FLT4: variants seen among roughly 807,000 people sequenced by gnomAD.
FLT4 encodes fms related receptor tyrosine kinase 4.
FLT4 carries 30 observed loss-of-function variants against 163.2 expected under a neutral mutation model. That is an observed-to-expected ratio of 0.18 (90% confidence interval 0.14 to 0.25). The LOEUF (loss-of-function observed/expected upper bound fraction) is 0.25. FLT4 is among the 10% of genes least tolerant of loss of function. The pLI is 1.00. For missense variants in FLT4, 1,510 were observed against 1,863.8 expected (o/e 0.81, Z 3.50); for synonymous variants, 884 against 789.5 (o/e 1.12, Z -2.01).
Position 180,621,714 on chromosome 5 carries a change from G to A in FLT4, c.1848C>T (p.Phe616=), listed in dbSNP as rs34303265. 1 of 1,612,766 alleles carries A rather than the reference G, an allele frequency of 6.2e-7. No individual in the cohort carries two copies. Among genetic ancestry groups the A allele is most frequent in the Non-Finnish European group, 8.5e-7 (1 of 1,179,940 alleles). ...LLLDCKNVHL[F]ATPLAASLEE... is the part of the protein sequence containing the mutation. ...CCAGGCTGGCGGCCAGAGGGGTGGC[G>A]AACAGATGCACGTTCTTGCAGTCGA... The change falls in exon 13 of 30, where the codon TTC becomes TTT. Residue 616 remains phenylalanine, a synonymous_variant. Coordinates refer to ENST00000261937, the MANE Select transcript of FLT4 (RefSeq NM_182925.5).
At chr5:180,638,528 CTT>C (rs757417575) in intron 1 of FLT4, among the ~76,000 whole-genome samples, 28 of 152,240 alleles carry the variant, frequency 1.8e-4, no homozygotes, top group Non-Finnish European at 3.4e-4. Context: ...GTGAGTGACA[CTT>C]TAAAAAGCAC....
chr5:180,623,581 C>T lies in FLT4; in HGVS notation c.1548+354G>A, dbSNP rs939656415. 5.3e-5 allele frequency among the ~76,000 whole-genome samples: 8 copies of T among 152,306 alleles called. No homozygotes were observed. The highest frequency in any genetic ancestry group is 4.1e-4 in the South Asian group (2 of 4,826). Reference sequence around the variant, plus strand: ...CCTTCTCGGCGTTGCCCCCAGGCTGCGCCAGCGGCTCAGCAGCCCTCTGTG... The same window carrying T: ...CCTTCTCGGCGTTGCCCCCAGGCTGTGCCAGCGGCTCAGCAGCCCTCTGTG... On this transcript the variant is annotated intron_variant, in intron 11 of 29. Coordinates refer to ENST00000261937, the MANE Select transcript of FLT4 (RefSeq NM_182925.5). This position sits in a 1 kb window ranked among gnomAD's most constrained non-coding sequence, Gnocchi z 5.8.
Position 180,641,737 on chromosome 5 carries a change from T to C in FLT4, c.58+7751A>G, listed in dbSNP as rs540731833. On this transcript the variant is annotated intron_variant, in intron 1 of 29. Coordinates refer to ENST00000261937, the MANE Select transcript of FLT4 (RefSeq NM_182925.5). Reference sequence around the variant, plus strand: ...AGGGGCTGTCGGTCCTCACTGCACATCCTGCAGGTCTGAGAGAGCTGAGCC... The same window carrying C: ...AGGGGCTGTCGGTCCTCACTGCACACCCTGCAGGTCTGAGAGAGCTGAGCC... Among the ~76,000 whole-genome samples the C allele has an allele frequency of 3.9e-5, 6 of 152,270 alleles. No homozygotes were observed. The East Asian group carries it at 1.2e-3, about 29-fold the overall frequency.
rs1763082168 is a variant in FLT4, at chr5:180,620,820, A to T, written c.2299+56T>A. The T allele has an allele frequency of 5.6e-6, 9 of 1,609,466 alleles. No individual in the cohort carries two copies. Among genetic ancestry groups the T allele is most frequent in the Non-Finnish European group, 5.9e-6 (7 of 1,178,526 alleles). Reference sequence around the variant, plus strand: ...CCACGACTTGCCCAAGGTGGCCACAAGAAAGCGTTAACTGGGGACGGGAAG... The same window carrying T: ...CCACGACTTGCCCAAGGTGGCCACATGAAAGCGTTAACTGGGGACGGGAAG... On this transcript the variant is annotated intron_variant, in intron 15 of 29. Transcript: ENST00000261937. The surrounding 1 kb of genome is among the most constrained non-coding windows in gnomAD (Gnocchi z 4.4).
Position 180,602,701 on chromosome 5 carries a change from T to G in FLT4, c.*491A>C. ...GCCCCTCCCTTCAACTGTGCAGGGG[T>G]GGGTGAGGCCAGCCAGCCCTCGTGG... On this transcript the variant is annotated 3_prime_UTR_variant, in exon 30 of 30. Coordinates refer to ENST00000261937, the MANE Select transcript of FLT4 (RefSeq NM_182925.5). The G allele has an allele frequency of 2.3e-6, 1 of 440,956 alleles. No individual in the cohort carries two copies. The highest frequency in any genetic ancestry group is 3.3e-5 in the East Asian group (1 of 30,672). 27.3% of individuals were successfully genotyped at this position (440,956 alleles called of 1,614,324 possible). A position where few individuals can be genotyped will look rare whatever the true frequency, so the allele number is the denominator to read the frequency against.
chr5:180,612,351 G>A (rs1435986911), intron 26 of FLT4, 155 bp downstream of exon 26: 5 of 679,164 alleles, frequency 7.4e-6, no homozygotes, highest in Non-Finnish European at 1.3e-5. Context: ...CAAGGGTGTG[G>A]GGACGAGGTG....
intron 23 of FLT4, among the ~76,000 whole-genome samples, chr5:180,616,048 CTG>C (rs1491148582): frequency 0.031 from 127 of 4,108 alleles, 51 homozygotes; most frequent in Non-Finnish European, 0.075. Flanking sequence ...AGCACTGGGC[CTG>C]CCGGTCACCT....
chr5:180,634,439 A>G (rs1188646700), intron 1 of FLT4, among the ~76,000 whole-genome samples: 2 of 152,238 alleles, frequency 1.3e-5, no homozygotes, highest in East Asian at 1.9e-4. Context: ...GTGGTGGCTC[A>G]CGCCTGTCAT....
Position 180,612,631 on chromosome 5 carries a change from G to A in FLT4, c.3432-20C>T, listed in dbSNP as rs2127794733. 1.3e-6 allele frequency: 2 copies of A among 1,586,522 alleles called. No individual in the cohort carries two copies. The highest frequency in any genetic ancestry group is 1.7e-6 in the Non-Finnish European group (2 of 1,154,816). ...CGGCGTCTGCAGGATCACGTGGGCT[G>A]CTGGACTGCATGCACCCCACCCCCG... On this transcript the variant is annotated intron_variant, in intron 25 of 29. Coordinates refer to ENST00000261937, the MANE Select transcript of FLT4 (RefSeq NM_182925.5).
intron 1 of FLT4, among the ~76,000 whole-genome samples, chr5:180,632,698 CTA>C (rs1277395839): frequency 1.3e-5 from 2 of 152,066 alleles, no homozygotes; most frequent in East Asian, 3.9e-4. Context: ...CTGTGTGTGC[CTA>C]TGTCTGAGTG....
rs191059 is a variant in FLT4, at chr5:180,623,208, A to C, written c.1549-369T>G. 6.6e-6 allele frequency among the ~76,000 whole-genome samples: 1 copy of C among 152,096 alleles called. No homozygotes were observed. Among genetic ancestry groups the C allele is most frequent in the African/African-American group, 2.4e-5 (1 of 41,372 alleles). ...AGAATTCAGCCTGGGTCACAGCAAA[A>C]GCCAGTCACTTCTGGATGGGGTCAG... On this transcript the variant is annotated intron_variant, in intron 11 of 29. Transcript: ENST00000261937. The surrounding 1 kb of genome is among the most constrained non-coding windows in gnomAD (Gnocchi z 5.8).
intron 1 of FLT4, among the ~76,000 whole-genome samples, chr5:180,640,998 G>A (rs535105724): frequency 2.6e-5 from 4 of 152,254 alleles, no homozygotes; most frequent in African/African-American, 7.2e-5. Flanking sequence ...TGAAGGGGCC[G>A]GCATGAGAGA....
At chr5:180,638,107 C>A (rs760826167) in intron 1 of FLT4, among the ~76,000 whole-genome samples, 2 of 152,124 alleles carry the variant, frequency 1.3e-5, no homozygotes, top group Non-Finnish European at 2.9e-5. Flanking sequence ...CCCCAGCTCC[C>A]CTCTGCCCAA....
upstream of FLT4, chr5:180,649,730 G>T (rs1248948928): frequency 5.4e-6 from 1 of 183,932 alleles, no homozygotes; most frequent in African/African-American, 2.4e-5. Flanking sequence ...GGCGTCCGGT[G>T]CACCCGAGCA....
chr5:180,640,424 C>A (rs1765018300), intron 1 of FLT4, among the ~76,000 whole-genome samples: 1 of 152,156 alleles, frequency 6.6e-6, no homozygotes, highest in African/African-American at 2.4e-5. Context: ...CAGGCCAGAC[C>A]CCAGCCCGGC....
At chr5:180,618,973 G>A (rs369722002) in intron 20 of FLT4, 48 bp downstream of exon 20, 45 of 1,554,552 alleles carry the variant, frequency 2.9e-5, no homozygotes, top group Non-Finnish European at 3.8e-5. Flanking sequence ...CCGCAGAGGC[G>A]CCTCCATTCC....
At chr5:180,645,667 G>A (rs1765456712) in intron 1 of FLT4, among the ~76,000 whole-genome samples, 1 of 152,198 alleles carries the variant, frequency 6.6e-6, no homozygotes, top group African/African-American at 2.4e-5. Context: ...CCGGGGGTGT[G>A]CCTGCTGTTA....
At chr5:180,633,128 G>C (rs1764309671) in intron 1 of FLT4, among the ~76,000 whole-genome samples, 1 of 152,136 alleles carries the variant, frequency 6.6e-6, no homozygotes, top group African/African-American at 2.4e-5. Context: ...GCCACCCTGG[G>C]ACGCAGCACC....
At chr5:180,640,199 G>C (rs139156729) in intron 1 of FLT4, among the ~76,000 whole-genome samples, 2 of 152,148 alleles carry the variant, frequency 1.3e-5, no homozygotes, top group Non-Finnish European at 2.9e-5. Flanking sequence ...CACTAGCAGC[G>C]AGCGAGGTGG....
Sources: gnomAD v4.1 joint callset for allele counts (sites outside exome capture counted in the v4.1 genomes callset) on GRCh38, gnomAD v4.1.1 for gene constraint, Gnocchi (gnomAD v3.1) non-coding constraint, MANE v1.5 for transcripts, NCBI Gene and HGNC (gene_info 2026-07-23, HGNC 2026-07-21) for gene names.